Variants in OPHN1 observed in about 807,000 individuals in gnomAD.
OPHN1 encodes oligophrenin 1.
In OPHN1, 11 loss-of-function variants were observed where a neutral mutation model predicts 60.7. The observed-to-expected ratio is 0.18, with a 90% CI of 0.11 to 0.30. The LOEUF is 0.30. Among genes scored for constraint, OPHN1 ranks in the 10% least tolerant of loss-of-function variants. OPHN1 has a pLI of 1.00. For missense variants in OPHN1, 449 were observed against 611.0 expected (o/e 0.73, Z 2.80); for synonymous variants, 226 against 222.6 (o/e 1.02, Z -0.14).
chrX:68,294,614 C>G (rs1225980290), intron 3 of OPHN1, among the ~76,000 whole-genome samples: 1 of 110,558 alleles, frequency 9.0e-6, no homozygotes, highest in Non-Finnish European at 1.9e-5. Flanking sequence ...ATTGGGAAGT[C>G]CATGAGGACA....
intron 2 of OPHN1, among the ~76,000 whole-genome samples, chrX:68,406,694 G>A (rs2078745363): frequency 8.9e-6 from 1 of 111,945 alleles, no homozygotes; most frequent in Non-Finnish European, 1.9e-5. Flanking sequence ...AATACATGCT[G>A]AAGGATTTAA....
intron 3 of OPHN1, among the ~76,000 whole-genome samples, chrX:68,290,775 TA>T (rs761651566): frequency 4.2e-3 from 415 of 98,609 alleles, no homozygotes; most frequent in African/African-American, 0.01. Flanking sequence ...AAACCCTGAT[TA>T]AAAAAAAAAA....
At chrX:68,167,667 A>G (rs11094069) in intron 15 of OPHN1, among the ~76,000 whole-genome samples, 15,101 of 107,809 alleles carry the variant, frequency 0.14, 901 homozygotes, top group African/African-American at 0.22. Flanking sequence ...GTATACATAT[A>G]TATGCATACA....
In OPHN1 at chrX:68,053,748, G is replaced by C. The variant is rs1407870012; in HGVS notation, c.2221C>G (p.Pro741Ala). The change falls in exon 22 of 25, where the codon CCA (proline) becomes GCA (alanine). Residue 741 changes from proline (P) to alanine (A), a missense_variant. Around this residue, in one of 4 missense-constraint regions of OPHN1, gnomAD observed 184 missense variants for 160.5 expected, o/e 1.15. Transcript: ENST00000355520. ...CAGGGAGGATCTGGGGGCCTCACTG[G>C]GGGGCGGATGATGGTTGGCTTTTCT... ...PGEKPTIIRP[P>A]VRPPDPPCRA... The C allele has an allele frequency of 1.7e-6, 2 of 1,210,858 alleles. No individual in the cohort carries two copies. The highest frequency in any genetic ancestry group is 2.2e-6 in the Non-Finnish European group (2 of 895,175).
At chrX:68,128,641 C>T (rs1007686250) in intron 15 of OPHN1, among the ~76,000 whole-genome samples, 2 of 111,852 alleles carry the variant, frequency 1.8e-5, no homozygotes, top group Non-Finnish European at 3.8e-5. Flanking sequence ...TGCATGTTGT[C>T]AACTTCATTC....
chrX:68,105,093 A>G (rs2077075482), intron 18 of OPHN1, among the ~76,000 whole-genome samples: 1 of 112,201 alleles, frequency 8.9e-6, no homozygotes, highest in African/African-American at 3.2e-5. Context: ...AATGCAAATC[A>G]AAACTGCAAT....
chrX:68,076,153 G>C (rs1183316164), intron 19 of OPHN1, among the ~76,000 whole-genome samples: 1 of 110,526 alleles, frequency 9.0e-6, no homozygotes, highest in East Asian at 2.8e-4. Flanking sequence ...AGTTTTTAAA[G>C]AATAAGCAAA....
intron 2 of OPHN1, among the ~76,000 whole-genome samples, chrX:68,309,041 C>T (rs1460924711): frequency 9.0e-6 from 1 of 111,461 alleles, no homozygotes; most frequent in Non-Finnish European, 1.9e-5. Context: ...CCTGTCTTGG[C>T]CTCCCAAAGT....
rs961643765 is a variant in OPHN1 at position 68,086,042 on chromosome X, G to T, written c.1686+10828C>A. On this transcript the variant is annotated intron_variant, in intron 19 of 24. Coordinates refer to ENST00000355520, the MANE Select transcript of OPHN1 (RefSeq NM_002547.3). ...AAAAATACAAAAATTAGCCGGGAGTGGTGGTGCACACCCATAATCCTGGCT... is the reference window on the plus strand; with the variant it reads ...AAAAATACAAAAATTAGCCGGGAGTTGTGGTGCACACCCATAATCCTGGCT... 3.6e-5 allele frequency among the ~76,000 whole-genome samples: 4 copies of T among 109,750 alleles called. No individual in the cohort carries two copies. In the Admixed American group the frequency reaches 3.9e-4, roughly 11 times the overall value.
At chrX:68,198,412 A>C (rs1002248265) in intron 11 of OPHN1, among the ~76,000 whole-genome samples, 2 of 111,388 alleles carry the variant, frequency 1.8e-5, no homozygotes, top group African/African-American at 3.3e-5. Flanking sequence ...AAATGTGACA[A>C]ATGAATTTCT....
At chrX:68,427,710 T>C (rs893114457) in intron 2 of OPHN1, among the ~76,000 whole-genome samples, 7 of 110,214 alleles carry the variant, frequency 6.4e-5, no homozygotes, top group Non-Finnish European at 1.3e-4. Flanking sequence ...TGTCATCCTC[T>C]ATTTTCCTAG....
intron 23 of OPHN1, 97 bp from the exon 24 acceptor site, chrX:68,048,554 AG>A: frequency 1.4e-6 from 1 of 735,611 alleles, no homozygotes. Flanking sequence ...AGTGCTAAAG[AG>A]GCCATTTGAA....
chrX:68,107,150 A>G (rs2077084922), intron 18 of OPHN1, among the ~76,000 whole-genome samples: 1 of 112,173 alleles, frequency 8.9e-6, no homozygotes, highest in African/African-American at 3.2e-5. Context: ...CGTAGATTCT[A>G]TATCATCTAA....
intron 2 of OPHN1, among the ~76,000 whole-genome samples, chrX:68,320,450 T>C (rs1025361084): frequency 2.7e-5 from 3 of 111,747 alleles, no homozygotes; most frequent in African/African-American, 9.7e-5. Flanking sequence ...CTGGTGAGGA[T>C]ACAGAAAAAC....
chrX:68,309,251 CTTCTCT>C (rs2078161295), intron 2 of OPHN1, among the ~76,000 whole-genome samples: 1 of 111,895 alleles, frequency 8.9e-6, no homozygotes, highest in Non-Finnish European at 1.9e-5. Context: ...CTCAAGGTCT[CTTCTCT>C]TTAACACTCT....
intron 5 of OPHN1, 138 bp downstream of exon 5, chrX:68,274,600 G>T: frequency 3.0e-4 from 115 of 377,248 alleles, no homozygotes; most frequent in Middle Eastern, 6.3e-4. Flanking sequence ...CATTTATTTT[G>T]CACAGTTTAG....
chrX:68,290,641 G>C (rs953241223), intron 3 of OPHN1, among the ~76,000 whole-genome samples: 1 of 108,752 alleles, frequency 9.2e-6, no homozygotes, highest in Non-Finnish European at 1.9e-5. Flanking sequence ...ACAAAAATTA[G>C]CCAGGTGAGG....
At position 68,063,956 on chromosome X, in the gene OPHN1, G is replaced by T; in HGVS notation, c.2056C>A (p.Pro686Thr). ...RLQDGGTKIT[P>T]KATNGPMPGS... Reference sequence around the variant, plus strand: ...GGCATGGGTCCATTGGTGGCCTTTGGGGTGATCTTGGTCCCTCCATCCTGC... The same window carrying T: ...GGCATGGGTCCATTGGTGGCCTTTGTGGTGATCTTGGTCCCTCCATCCTGC... Residue 686 changes from proline (P) to threonine (T), a missense_variant, in exon 21 of 25, where the codon CCA (proline) becomes ACA (threonine). Pro to Thr is a conservative substitution (Grantham distance 38). Coordinates refer to ENST00000355520, the MANE Select transcript of OPHN1 (RefSeq NM_002547.3). 8.3e-7 allele frequency: 1 copy of T among 1,208,991 alleles called. No homozygotes were observed. Among genetic ancestry groups the T allele is most frequent in the South Asian group, 1.8e-5 (1 of 56,434 alleles).
At chrX:68,300,728 C>T (rs888782775) in intron 2 of OPHN1, among the ~76,000 whole-genome samples, 1 of 112,649 alleles carries the variant, frequency 8.9e-6, no homozygotes, top group Admixed American at 9.4e-5. Flanking sequence ...CTCTGTTATG[C>T]TCAGGGAAAT....
Sources: gnomAD v4.1 joint callset for allele counts (sites outside exome capture counted in the v4.1 genomes callset) on GRCh38, gnomAD v4.1.1 for gene constraint, gnomAD v4.1.1 regional missense constraint, MANE v1.5 for transcripts, NCBI Gene and HGNC (gene_info 2026-07-23, HGNC 2026-07-21) for gene names.